The following HYDIN variants were observed in gnomAD, a reference collection of about 807,000 sequenced individuals.
The protein encoded by HYDIN is HYDIN axonemal central pair apparatus protein, also known as axonemal central pair apparatus protein HYDIN.
HYDIN carries 132 observed loss-of-function variants against 403.9 expected under a neutral mutation model. The ratio of observed to expected loss-of-function variants is 0.33; its 90% confidence interval spans 0.28 to 0.38. The LOEUF (loss-of-function observed/expected upper bound fraction) is 0.38, where lower values mean the gene tolerates loss of function less well. Ranked by LOEUF, HYDIN falls within the 10% of genes least tolerant of loss-of-function variation. The pLI, the probability that HYDIN is intolerant of heterozygous loss-of-function variation, is 1.00. For synonymous variants in HYDIN, 1,202 were observed against 1,891.7 expected (o/e 0.64, Z 9.46); for missense variants, 2,827 against 5,009.5 (o/e 0.56, Z 13.15).
intron 7 of HYDIN, among the ~76,000 whole-genome samples, chr16:71,149,302 T>G (rs1405447543): frequency 6.6e-6 from 1 of 150,952 alleles, no homozygotes; most frequent in East Asian, 2.0e-4. Context: ...GAATGTGGAA[T>G]TTCATACCTT....
In HYDIN at chr16:70,910,760, TTTTA is replaced by T. The variant is rs1417607027; in HGVS notation, c.8005-1903_8005-1900del. Among the ~76,000 whole-genome samples, 6 of 101,686 alleles carry T rather than the reference TTTTA, an allele frequency of 5.9e-5. No homozygotes were observed. In the East Asian group the frequency reaches 8.1e-4, roughly 14 times the overall value. The allele number at this position is 101,686 out of a possible 152,430, so 66.7% of individuals were successfully genotyped here. Reference sequence around the variant, plus strand: ...CCGCATCCATGCCAACAGCTACTGTTTTTATTTATTTATTTATTTTTTATTTTTT... The same window carrying T: ...CCGCATCCATGCCAACAGCTACTGTTTTTATTTATTTATTTTTTATTTTTT... On this transcript the variant is annotated intron_variant, in intron 47 of 85. Coordinates refer to ENST00000393567, the MANE Select transcript of HYDIN (RefSeq NM_001270974.2).
chr16:71,067,351 C>T lies in HYDIN; in HGVS notation c.2014G>A (p.Ala672Thr), dbSNP rs1286853567. Residue 672 changes from alanine to threonine, a missense_variant, in exon 15 of 86, where the codon GCA becomes ACA. Coordinates refer to ENST00000393567, the MANE Select transcript of HYDIN (RefSeq NM_001270974.2). ...CSNTVQKYEL[A>T]LVVDVEGIGE... is the part of the protein sequence containing the mutation. ...ATGCCCTCCACGTCCACCACGAGTG[C>T]CAGCTCGTATTTCTGCACAGTGTTG... 4 of 1,612,770 alleles carry T rather than the reference C, an allele frequency of 2.5e-6. No individual in the cohort carries two copies. Among genetic ancestry groups the T allele is most frequent in the South Asian group, 1.1e-5 (1 of 90,926 alleles).
intron 1 of HYDIN, among the ~76,000 whole-genome samples, chr16:71,189,247 G>C (rs34555683): frequency 0.049 from 7,397 of 152,168 alleles, 243 homozygotes; most frequent in Non-Finnish European, 0.079. Context: ...AGGAGTAAAG[G>C]AACAGGGTAG....
At chr16:71,175,896 T>C (rs1166220828) in intron 4 of HYDIN, 155 bp from the exon 5 acceptor site, 1 of 733,636 alleles carries the variant, frequency 1.4e-6, no homozygotes, top group East Asian at 2.7e-5. Flanking sequence ...TACTTATCTT[T>C]ATCCCATACA....
intron 45 of HYDIN, among the ~76,000 whole-genome samples, chr16:70,927,736 TAACAC>T (rs1194246248): frequency 6.6e-6 from 1 of 152,130 alleles, no homozygotes; most frequent in Non-Finnish European, 1.5e-5. Context: ...GCATCAAGGC[TAACAC>T]AGAAGGAGCA....
chr16:70,853,152 G>A (rs2038779251), intron 73 of HYDIN, among the ~76,000 whole-genome samples: 1 of 152,132 alleles, frequency 6.6e-6, no homozygotes, highest in African/African-American at 2.4e-5. Context: ...CTGCACTCCA[G>A]CCTGGGCAAC....
chr16:71,001,776 T>G (rs1346304263), intron 23 of HYDIN, among the ~76,000 whole-genome samples: 1 of 151,080 alleles, frequency 6.6e-6, no homozygotes, highest in East Asian at 2.0e-4. Context: ...CAGAGTGAGG[T>G]AGGGAGCCTG....
rs562304040 is a variant in HYDIN at position 71,148,367 on chromosome 16, T to C, written c.841+4292A>G. On this transcript the variant is annotated intron_variant, in intron 7 of 85. Transcript: ENST00000393567. ...CTGTCATTACTTCCAATGCACAGCA[T>C]ACTAATGTCTAGCCTGTGGAAGAAA... Among the ~76,000 whole-genome samples the C allele has an allele frequency of 1.3e-5, 2 of 152,318 alleles. 1 individual carries two copies. Among genetic ancestry groups the C allele is most frequent in the Admixed American group, 1.3e-4 (2 of 15,308 alleles).
intron 73 of HYDIN, among the ~76,000 whole-genome samples, chr16:70,850,951 T>G (rs1830848621): frequency 6.6e-6 from 1 of 152,078 alleles, no homozygotes; most frequent in South Asian, 2.1e-4. Context: ...CCCTATTCAA[T>G]AAATGATGCT....
intron 37 of HYDIN, among the ~76,000 whole-genome samples, 200 bp from the exon 38 acceptor site, chr16:70,962,338 T>C (rs1451317133): frequency 1.3e-5 from 2 of 150,372 alleles, no homozygotes; most frequent in African/African-American, 4.9e-5. Flanking sequence ...TGTTTCTACA[T>C]TTTAACATTT....
chr16:70,900,914 CTGTGTGTG>C lies in HYDIN; in HGVS notation c.9048+82_9048+89del, dbSNP rs58190033. 3,204 of 381,456 alleles carry C rather than the reference CTGTGTGTG, an allele frequency of 8.4e-3. 84 individuals carry two copies. In the African/African-American group the frequency reaches 0.092, roughly 11 times the overall value. 23.6% of individuals were successfully genotyped at this position (381,456 alleles called of 1,614,324 possible). On this transcript the variant is annotated intron_variant, in intron 53 of 85. Coordinates refer to ENST00000393567, the MANE Select transcript of HYDIN (RefSeq NM_001270974.2). ...ATAGGAGCATGTAACAGGGAGACCT[CTGTGTGTG>C]TGTGTGTGTGTGTGTGTGTGTGTGT...
chr16:70,844,749 A>G (rs1463379653), intron 75 of HYDIN, among the ~76,000 whole-genome samples: 8 of 137,640 alleles, frequency 5.8e-5, no homozygotes, highest in Admixed American at 2.2e-4. Context: ...CTCCTTGAAG[A>G]GGTCCTTCAC....
intron 23 of HYDIN, among the ~76,000 whole-genome samples, chr16:71,005,711 G>A (rs1057218603): frequency 6.0e-5 from 9 of 151,234 alleles, no homozygotes; most frequent in Admixed American, 1.3e-4. Context: ...ACAGATGTGA[G>A]GGTTCCTTGG....
chr16:71,218,548 C>A (rs2089014536), intron 1 of HYDIN, among the ~76,000 whole-genome samples: 1 of 152,178 alleles, frequency 6.6e-6, no homozygotes, highest in Non-Finnish European at 1.5e-5. Context: ...ATTGTAATTA[C>A]AAACAGCGAT....
At chr16:70,808,410 G>A (rs946052076) in intron 85 of HYDIN, among the ~76,000 whole-genome samples, 2 of 152,094 alleles carry the variant, frequency 1.3e-5, no homozygotes, top group Non-Finnish European at 2.9e-5. Flanking sequence ...CAGATGGGTG[G>A]TGCTAGTTCC....
chr16:70,981,295 A>T, intron 29 of HYDIN, 96 bp downstream of exon 29: 1 of 1,467,060 alleles, frequency 6.8e-7, no homozygotes, highest in Admixed American at 2.5e-5. Flanking sequence ...GGGCATTTCC[A>T]AGCAAATAAA....
chr16:70,826,339 T>C (rs997104306), intron 83 of HYDIN, among the ~76,000 whole-genome samples: 8 of 151,076 alleles, frequency 5.3e-5, no homozygotes, highest in African/African-American at 2.0e-4. Flanking sequence ...ATAAAGTCCA[T>C]CCCTCCTGCA....
At chr16:70,886,758 T>A (rs2487961) in intron 58 of HYDIN, among the ~76,000 whole-genome samples, 1 of 152,254 alleles carries the variant, frequency 6.6e-6, no homozygotes, top group Non-Finnish European at 1.5e-5. Context: ...TGGGTCTCTA[T>A]GGTTTTTGTA....
At chr16:71,073,523 G>A (rs1320037695) in intron 13 of HYDIN, among the ~76,000 whole-genome samples, 3 of 152,182 alleles carry the variant, frequency 2.0e-5, no homozygotes, top group Non-Finnish European at 4.4e-5. Flanking sequence ...CACCGGTAAT[G>A]CATCTTTTGA....
Sources: gnomAD v4.1 joint callset for allele counts (sites outside exome capture counted in the v4.1 genomes callset) on GRCh38, gnomAD v4.1.1 for gene constraint, MANE v1.5 for transcripts, NCBI Gene and HGNC (gene_info 2026-07-23, HGNC 2026-07-21) for gene names.